DAPK2: variants seen among roughly 807,000 people sequenced by gnomAD.
The protein encoded by DAPK2 is death-associated protein kinase 2.
Under a neutral mutation model 44.1 loss-of-function variants are expected in DAPK2, and 35 were observed. The ratio of observed to expected loss-of-function variants is 0.79; its 90% confidence interval spans 0.61 to 1.05. The LOEUF (loss-of-function observed/expected upper bound fraction) is 1.05. DAPK2 is among the 50% of genes least tolerant of loss of function. The probability of loss-of-function intolerance (pLI) is 0.00; values close to 1 mark genes in which losing one functional copy is unlikely to be tolerated. For missense variants in DAPK2, 453 were observed against 483.2 expected, an observed-to-expected ratio of 0.94 and a Z score of 0.59; for synonymous variants, 174 against 182.6, an observed-to-expected ratio of 0.95 and a Z score of 0.38.
chr15:64,016,285 T>C (rs1314366027), intron 1 of DAPK2, among the ~76,000 whole-genome samples: 1 of 152,246 alleles, frequency 6.6e-6, no homozygotes, highest in Admixed American at 6.5e-5. Flanking sequence ...CCAAAGTAAC[T>C]GGCACTATCC....
rs2078799552 is a variant in DAPK2, at chr15:63,990,916, G to A, written c.93-7162C>T. Among the ~76,000 whole-genome samples the A allele has an allele frequency of 6.6e-6, 1 of 152,144 alleles. No homozygotes were observed. Among genetic ancestry groups the A allele is most frequent in the African/African-American group, 2.4e-5 (1 of 41,414 alleles). On this transcript the variant is annotated intron_variant, in intron 1 of 10. Coordinates refer to ENST00000261891, the Ensembl canonical transcript of DAPK2. This position sits in a 1 kb window ranked among gnomAD's most constrained non-coding sequence, Gnocchi z 4.3. ...CACATCCCACAGCCACAGCCTGCCT[G>A]GGGATGGTGTCACTGAGCCCCCTCC...
intron 1 of DAPK2, among the ~76,000 whole-genome samples, chr15:63,988,046 T>C (rs566645658): frequency 8.4e-4 from 128 of 152,254 alleles, no homozygotes; most frequent in African/African-American, 2.9e-3. Context: ...GTAGGATGGT[T>C]TCGTGAGGGA....
rs185037574 is a variant in DAPK2, at chr15:63,912,583, G to T, written c.859-386C>A. Among the ~76,000 whole-genome samples, 3 of 152,228 alleles carry T rather than the reference G, an allele frequency of 2.0e-5. No homozygotes were observed. The South Asian group carries it at 6.2e-4, about 31-fold the overall frequency. ...CTGGGCTTGGCAAAACAAATGCCTTGTTGGTAGACGGGGAATTCATACTCC... is the reference window on the plus strand; with the variant it reads ...CTGGGCTTGGCAAAACAAATGCCTTTTTGGTAGACGGGGAATTCATACTCC... On this transcript the variant is annotated intron_variant, in intron 8 of 10. Coordinates refer to ENST00000261891, the Ensembl canonical transcript of DAPK2. The surrounding 1 kb of genome is among the most constrained non-coding windows in gnomAD (Gnocchi z 4.4).
intron 1 of DAPK2, among the ~76,000 whole-genome samples, chr15:64,015,738 A>C (rs1169517230): frequency 6.6e-6 from 1 of 152,204 alleles, no homozygotes; most frequent in Non-Finnish European, 1.5e-5. Flanking sequence ...ACACACAGGG[A>C]GAAAGCAACA....
chr15:64,027,712 CA>C (rs2079891124), intron 1 of DAPK2, among the ~76,000 whole-genome samples: 1 of 152,120 alleles, frequency 6.6e-6, no homozygotes, highest in African/African-American at 2.4e-5. Flanking sequence ...TGTATCTTTA[CA>C]AAATTCATAA....
At chr15:63,970,983 G>C (rs550119435) in intron 3 of DAPK2, among the ~76,000 whole-genome samples, 1 of 152,278 alleles carries the variant, frequency 6.6e-6, no homozygotes, top group Non-Finnish European at 1.5e-5. Flanking sequence ...GGATTTACAA[G>C]CTCTGGTCAA....
chr15:63,996,272 C>T (rs1276523273), intron 1 of DAPK2, among the ~76,000 whole-genome samples: 1 of 152,118 alleles, frequency 6.6e-6, no homozygotes, highest in East Asian at 1.9e-4. Context: ...CATCTCTACC[C>T]TGCCCCCCAA....
At chr15:64,032,019 G>A (rs1340767070) in intron 1 of DAPK2, among the ~76,000 whole-genome samples, 1 of 152,202 alleles carries the variant, frequency 6.6e-6, no homozygotes, top group Non-Finnish European at 1.5e-5. Flanking sequence ...GCAGATCCCA[G>A]ATGCTCTGCA....
At chr15:63,991,413 G>A in intron 1 of DAPK2, 1 of 444,514 alleles carries the variant, frequency 2.2e-6, no homozygotes, top group Non-Finnish European at 4.5e-6. Flanking sequence ...AATGACCCAG[G>A]CCCCTCGTTT....
chr15:63,953,011 G>A (rs922213417), intron 3 of DAPK2, among the ~76,000 whole-genome samples: 1 of 149,412 alleles, frequency 6.7e-6, no homozygotes, highest in African/African-American at 2.5e-5. Flanking sequence ...CATGGGCTTT[G>A]GGGGAACAGG....
At chr15:63,956,084 T>C (rs576826784) in intron 3 of DAPK2, among the ~76,000 whole-genome samples, 4 of 152,334 alleles carry the variant, frequency 2.6e-5, no homozygotes, top group Admixed American at 6.5e-5. Context: ...TTGGAAATCA[T>C]ATAGTTGCTC....
At chr15:64,014,427 G>T (rs1042159478) in intron 1 of DAPK2, among the ~76,000 whole-genome samples, 7 of 152,200 alleles carry the variant, frequency 4.6e-5, no homozygotes, top group African/African-American at 1.7e-4. Flanking sequence ...TGAAAACCCT[G>T]GGAGTAGGTC....
At position 63,917,189 on chromosome 15, in the gene DAPK2, C is replaced by T. The variant is rs1033247703; in HGVS notation, c.859-4992G>A. 1 of 151,920 alleles carries T rather than the reference C, an allele frequency of 6.6e-6. No homozygotes were observed. Among genetic ancestry groups the T allele is most frequent in the African/African-American group, 2.4e-5 (1 of 41,352 alleles). The allele number at this position is 151,920 out of a possible 1,614,324, so 9.4% of individuals were successfully genotyped here. A position where few individuals can be genotyped will look rare whatever the true frequency, so the allele number is the denominator to read the frequency against. On this transcript the variant is annotated intron_variant, in intron 8 of 10. Transcript: ENST00000261891. This position sits in a 1 kb window ranked among gnomAD's most constrained non-coding sequence, Gnocchi z 4.4. ...ACTAGCCTGGCCAACATGATGAAAC[C>T]CCATCTCTACTAAAAATACAAAAAC...
intron 3 of DAPK2, among the ~76,000 whole-genome samples, chr15:63,954,806 T>G (rs1220853975): frequency 6.6e-6 from 1 of 152,220 alleles, no homozygotes; most frequent in Non-Finnish European, 1.5e-5. Context: ...TTCCATTTTT[T>G]TGTGTGTCCT....
At chr15:63,925,074 G>A (rs1353000695) in intron 7 of DAPK2, among the ~76,000 whole-genome samples, 1 of 152,180 alleles carries the variant, frequency 6.6e-6, no homozygotes, top group Non-Finnish European at 1.5e-5. Context: ...TCAATAGAGT[G>A]GCCTTGTTAC....
intron 1 of DAPK2, among the ~76,000 whole-genome samples, chr15:64,016,828 GAAGGAAGGAGGGAA>G (rs1567275602): frequency 8.9e-6 from 1 of 112,264 alleles, no homozygotes; most frequent in East Asian, 2.2e-4. Context: ...GAAGGGGAAG[GAAGGAAGGAGGGAA>G]GGAAGGAAGG....
At position 63,939,150 on chromosome 15, in the gene DAPK2, G is replaced by GC. The variant is rs1173632593; in HGVS notation, c.583+81dup. 1 of 1,582,158 alleles carries GC rather than the reference G, an allele frequency of 6.3e-7. No homozygotes were observed. Among genetic ancestry groups the GC allele is most frequent in the Non-Finnish European group, 8.6e-7 (1 of 1,164,712 alleles). ...ATCATCTCTTTGCTCAGAGGCCATA[G>GC]CCCCAGACACAGGTTTCTTCCCAGG... On this transcript the variant is annotated intron_variant, in intron 4 of 10. Coordinates refer to ENST00000261891, the Ensembl canonical transcript of DAPK2. This position sits in a 1 kb window ranked among gnomAD's most constrained non-coding sequence, Gnocchi z 4.3.
chr15:64,016,575 A>T (rs886780625), intron 1 of DAPK2, among the ~76,000 whole-genome samples: 1 of 152,182 alleles, frequency 6.6e-6, no homozygotes, highest in African/African-American at 2.4e-5. Flanking sequence ...AGGAGGACTG[A>T]TTCAGGCCAG....
chr15:64,025,823 AATGAAAAG>A (rs1379532792), intron 1 of DAPK2, among the ~76,000 whole-genome samples: 1 of 152,238 alleles, frequency 6.6e-6, no homozygotes, highest in Admixed American at 6.5e-5. Flanking sequence ...CAGCTGTTCC[AATGAAAAG>A]AATGGAAATA....
Sources: allele counts gnomAD v4.1 joint callset (sites outside exome capture counted in the v4.1 genomes callset), GRCh38; gene constraint gnomAD v4.1.1; non-coding constraint Gnocchi (gnomAD v3.1); transcripts MANE v1.5; gene names NCBI Gene and HGNC (gene_info 2026-07-23, HGNC 2026-07-21).